The following FBXL18 variants were observed in gnomAD, a reference collection of about 807,000 sequenced individuals.
The protein encoded by FBXL18 is F-box/LRR-repeat protein 18.
A neutral mutation model predicts 46.0 loss-of-function variants in FBXL18; 36 were observed. The observed-to-expected ratio is 0.78, with a 90% CI of 0.60 to 1.03. FBXL18 has a LOEUF of 1.03. Among genes scored for constraint, FBXL18 ranks in the 50% least tolerant of loss-of-function variants. The pLI, the probability that FBXL18 is intolerant of heterozygous loss-of-function variation, is 0.00. For synonymous variants in FBXL18, 557 were observed against 465.3 expected (o/e 1.20, Z -2.54); for missense variants, 977 against 1,004.1 (o/e 0.97, Z 0.36).
At chr7:5,486,794 A>C (rs1010591680) in intron 4 of FBXL18, among the ~76,000 whole-genome samples, 1 of 152,242 alleles carries the variant, frequency 6.6e-6, no homozygotes, top group Non-Finnish European at 1.5e-5. Flanking sequence ...GCGACAGGTC[A>C]GCAGCCACGA....
chr7:5,489,196 C>T (rs764258555), intron 4 of FBXL18: 12 of 512,424 alleles, frequency 2.3e-5, no homozygotes, highest in African/African-American at 3.9e-5. Flanking sequence ...TCACTTAGGG[C>T]TTTATTTACT....
chr7:5,509,292 T>C (rs376576448), intron 1 of FBXL18, among the ~76,000 whole-genome samples: 1 of 151,610 alleles, frequency 6.6e-6, no homozygotes, highest in Non-Finnish European at 1.5e-5. Flanking sequence ...TAATTTTTTT[T>C]AAAAAGAGAG....
intron 3 of FBXL18, among the ~76,000 whole-genome samples, chr7:5,494,835 G>A (rs528695570): frequency 5.9e-5 from 9 of 152,330 alleles, no homozygotes; most frequent in Non-Finnish European, 8.8e-5. Flanking sequence ...AGATCGCCCC[G>A]AGCCTCTGGG....
At chr7:5,475,057 G>A (rs568361019), downstream of FBXL18, among the ~76,000 whole-genome samples, 5 of 145,644 alleles carry the variant, frequency 3.4e-5, no homozygotes, top group Admixed American at 6.8e-5. This position sits in a 1 kb window ranked among gnomAD's most constrained non-coding sequence, Gnocchi z 4.2. Flanking sequence ...GGTGGCTCAC[G>A]CCTGTCATCC....
At chr7:5,502,315 A>T (rs1006768724) in intron 2 of FBXL18, among the ~76,000 whole-genome samples, 4 of 152,302 alleles carry the variant, frequency 2.6e-5, no homozygotes, top group African/African-American at 9.6e-5. Flanking sequence ...CAGATGGATC[A>T]CCTGAGGTCA....
chr7:5,484,436 C>T (rs971766590), intron 4 of FBXL18, among the ~76,000 whole-genome samples: 2 of 148,468 alleles, frequency 1.3e-5, no homozygotes, highest in Non-Finnish European at 3.0e-5. Flanking sequence ...CGCCACTGCA[C>T]TCCAGCCTGG....
chr7:5,490,264 G>A lies in FBXL18; in HGVS notation c.2000+967C>T, dbSNP rs116741354. ...TTCATGTCCTGCTGCCCCCTTGGCC[G>A]GGCGCACGCCTCTCTCAGGAGCCCT... is the stretch of plus-strand genomic sequence containing the variant. On this transcript the variant is annotated intron_variant, in intron 4 of 4. Coordinates refer to ENST00000382368, the MANE Select transcript of FBXL18 (RefSeq NM_024963.6). The A allele has an allele frequency of 1.4e-3, 1,728 of 1,268,692 alleles. 28 individuals are homozygous for A. In the African/African-American group the frequency reaches 0.023, roughly 17 times the overall value. The allele number at this position is 1,268,692 out of a possible 1,614,324, so 78.6% of individuals were successfully genotyped here. A position where few individuals can be genotyped will look rare whatever the true frequency, so the allele number is the denominator to read the frequency against.
intron 1 of FBXL18, among the ~76,000 whole-genome samples, chr7:5,506,676 C>T (rs1350531821): frequency 6.6e-6 from 1 of 151,990 alleles, no homozygotes; most frequent in Non-Finnish European, 1.5e-5. Flanking sequence ...CGTGCCTCAG[C>T]CTCCTGAGTA....
chr7:5,485,156 G>C (rs543090357), intron 4 of FBXL18, among the ~76,000 whole-genome samples: 30 of 152,260 alleles, frequency 2.0e-4, no homozygotes, highest in African/African-American at 7.2e-4. Flanking sequence ...GGGGGTCACA[G>C]GCTGCATCTG....
At chr7:5,497,591 G>A (rs922384309) in intron 3 of FBXL18, among the ~76,000 whole-genome samples, 1 of 152,206 alleles carries the variant, frequency 6.6e-6, no homozygotes, top group Non-Finnish European at 1.5e-5. Context: ...TCCAGGGTGT[G>A]AGCCTCCAGC....
Position 5,476,512 on chromosome 7 carries a change from G to T in FBXL18, c.*5263C>A, listed in dbSNP as rs1057353501. The T allele has an allele frequency of 1.3e-5, 2 of 152,282 alleles. No individual in the cohort carries two copies. Among genetic ancestry groups the T allele is most frequent in the African/African-American group, 4.8e-5 (2 of 41,448 alleles). The allele number at this position is 152,282 out of a possible 1,614,324, so 9.4% of individuals were successfully genotyped here. A position where few individuals can be genotyped will look rare whatever the true frequency, so the allele number is the denominator to read the frequency against. On this transcript the variant is annotated 3_prime_UTR_variant, in exon 5 of 5. Coordinates refer to ENST00000382368, the MANE Select transcript of FBXL18 (RefSeq NM_024963.6). ...ACAGGGTATTGCTCCGTGGCCCAGA[G>T]TGGAGGGCAATGGTGCGATCTTGGC...
chr7:5,501,879 G>A lies in FBXL18; in HGVS notation c.390C>T (p.His130=), dbSNP rs1460465172. 24 of 1,602,702 alleles carry A rather than the reference G, an allele frequency of 1.5e-5. No individual in the cohort carries two copies. Among genetic ancestry groups the A allele is most frequent in the East Asian group, 4.5e-5 (2 of 44,492 alleles). Residue 130 remains histidine, a synonymous_variant, in exon 3 of 5, where the codon CAC becomes CAT. Transcript: ENST00000382368. ...TCTTGGAGAGGCGCAGGGAAGTGAG[G>A]TGGCAGCCCGAGAGGTTCACCTTCA... ...SLVKVNLSGC[H]LTSLRLSKML...
In FBXL18 at chr7:5,492,411, G is replaced by T. The variant is rs1289291806; in HGVS notation, c.1782-962C>A. On this transcript the variant is annotated intron_variant, in intron 3 of 4. Coordinates refer to ENST00000382368, the MANE Select transcript of FBXL18 (RefSeq NM_024963.6). ...AGCCCCTGAGATAAGAATCAAGAGGGAGCAGAGAGGCTGGAGGGGAACTCA... is the reference window on the plus strand; with the variant it reads ...AGCCCCTGAGATAAGAATCAAGAGGTAGCAGAGAGGCTGGAGGGGAACTCA... 2.0e-5 allele frequency among the ~76,000 whole-genome samples: 3 copies of T among 151,630 alleles called. No individual in the cohort carries two copies. The East Asian group carries it at 5.9e-4, about 30-fold the overall frequency.
At position 5,496,254 on chromosome 7, in the gene FBXL18, A is replaced by G. The variant is rs1319029790; in HGVS notation, c.1781+4234T>C. Among the ~76,000 whole-genome samples the G allele has an allele frequency of 6.6e-6, 1 of 152,206 alleles. No individual in the cohort carries two copies. The highest frequency in any genetic ancestry group is 2.4e-5 in the African/African-American group (1 of 41,456). ...CAAAGGGGTCAAGACCTGTACACCC[A>G]TGAAAAGCACCTGGCAGAGGTCACA... On this transcript the variant is annotated intron_variant, in intron 3 of 4. Coordinates refer to ENST00000382368, the MANE Select transcript of FBXL18 (RefSeq NM_024963.6). The surrounding 1 kb of genome is among the most constrained non-coding windows in gnomAD (Gnocchi z 4.8).
Position 5,481,033 on chromosome 7 carries a change from T to C in FBXL18, c.*742A>G, listed in dbSNP as rs1423657473. 1.3e-4 allele frequency: 1 copy of C among 7,530 alleles called. No individual in the cohort carries two copies. Among genetic ancestry groups the C allele is most frequent in the Non-Finnish European group, 2.6e-4 (1 of 3,886 alleles). The allele number at this position is 7,530 out of a possible 1,614,324, so 0.5% of individuals were successfully genotyped here. A position where few individuals can be genotyped will look rare whatever the true frequency, so the allele number is the denominator to read the frequency against. On this transcript the variant is annotated 3_prime_UTR_variant, in exon 5 of 5. Coordinates refer to ENST00000382368, the MANE Select transcript of FBXL18 (RefSeq NM_024963.6). ...ACCTTCCCAGGGAAGCTGAAGGCCG[T>C]GGGGTGGGTGGGAGGGGGAGGAGGC...
intron 4 of FBXL18, among the ~76,000 whole-genome samples, chr7:5,466,418 C>T (rs1584185371): frequency 6.6e-6 from 1 of 152,178 alleles, no homozygotes; most frequent in Non-Finnish European, 1.5e-5. Context: ...TCTGCCTGCA[C>T]TCCTTGGCTG....
At chr7:5,505,324 C>A in intron 2 of FBXL18, 88 bp downstream of exon 2, 1 of 1,247,376 alleles carries the variant, frequency 8.0e-7, no homozygotes, top group South Asian at 1.4e-5. Context: ...TTTATATCAG[C>A]ACACAGGGTT....
At chr7:5,463,716 A>ATT (rs1783292924) in intron 4 of FBXL18, among the ~76,000 whole-genome samples, 1 of 61,418 alleles carries the variant, frequency 1.6e-5, no homozygotes, top group Non-Finnish European at 3.0e-5. Context: ...TTATTTATTT[A>ATT]TTTATTTATT....
intron 4 of FBXL18, chr7:5,489,923 C>G (rs143917669): frequency 1.1e-5 from 13 of 1,169,788 alleles, no homozygotes; most frequent in Admixed American, 2.5e-5. Flanking sequence ...CCAGCCTGGA[C>G]GACAGAGTGA....
Sources: allele counts gnomAD v4.1 joint callset (sites outside exome capture counted in the v4.1 genomes callset), GRCh38; gene constraint gnomAD v4.1.1; non-coding constraint Gnocchi (gnomAD v3.1); transcripts MANE v1.5; gene names NCBI Gene and HGNC (gene_info 2026-07-23, HGNC 2026-07-21).